The following DYDC2 variants were observed in gnomAD, a reference collection of about 807,000 sequenced individuals.
DYDC2 encodes the protein DPY30 domain containing 2.
In DYDC2, 19 loss-of-function variants were observed where a neutral mutation model predicts 18.7. That is an observed-to-expected ratio of 1.02 (90% CI 0.71 to 1.49). The LOEUF (loss-of-function observed/expected upper bound fraction) is 1.49, where lower values mean the gene tolerates loss of function less well. Among genes scored for constraint, DYDC2 ranks in the 40% most tolerant of loss-of-function variants. DYDC2 has a pLI of 0.00. For synonymous variants in DYDC2, 63 were observed against 67.6 expected, an observed-to-expected ratio of 0.93 and a Z score of 0.34; for missense variants, 179 against 205.1, an observed-to-expected ratio of 0.87 and a Z score of 0.78.
chr10:80,353,301 T>C (rs1161944473), upstream of DYDC2, among the ~76,000 whole-genome samples: 1 of 151,828 alleles, frequency 6.6e-6, no homozygotes, highest in African/African-American at 2.4e-5. Flanking sequence ...CACCCTGGGC[T>C]CTAATTCCAT....
intron 4 of DYDC2, among the ~76,000 whole-genome samples, chr10:80,365,801 C>T (rs2132904735): frequency 6.6e-6 from 1 of 152,238 alleles, no homozygotes; most frequent in Admixed American, 6.5e-5. Context: ...CTGCAATGCC[C>T]TATATCCTAT....
At chr10:80,357,797 G>C in intron 1 of DYDC2, 96 bp from the exon 2 acceptor site, 1 of 985,660 alleles carries the variant, frequency 1.0e-6, no homozygotes, top group South Asian at 4.7e-5. Context: ...TGTTAGTTGA[G>C]CTAGTAAATG....
chr10:80,352,401 C>A, upstream of DYDC2: 1 of 1,475,358 alleles, frequency 6.8e-7, no homozygotes, highest in Non-Finnish European at 9.0e-7. Flanking sequence ...TAAAAGCAGA[C>A]AAGTTGGACC....
At chr10:80,364,442 G>A (rs1843763431) in intron 4 of DYDC2, among the ~76,000 whole-genome samples, 1 of 152,048 alleles carries the variant, frequency 6.6e-6, no homozygotes, top group South Asian at 2.1e-4. Flanking sequence ...ACTGTTAATA[G>A]AAATAGAAAT....
intron 4 of DYDC2, among the ~76,000 whole-genome samples, chr10:80,364,165 A>G (rs1564674934): frequency 6.6e-6 from 1 of 152,258 alleles, no homozygotes; most frequent in Non-Finnish European, 1.5e-5. Flanking sequence ...TGAAGACATG[A>G]AAATATTAAG....
intron 4 of DYDC2, among the ~76,000 whole-genome samples, chr10:80,363,375 C>T (rs1232746931): frequency 8.9e-6 from 1 of 112,820 alleles, no homozygotes; most frequent in Non-Finnish European, 1.6e-5. Context: ...GATGGAGTCT[C>T]GCTCTGTTGC....
At chr10:80,366,028 C>CTTTTTTTTTTTTTTT (rs770351822) in intron 4 of DYDC2, among the ~76,000 whole-genome samples, 14 of 90,322 alleles carry the variant, frequency 1.6e-4, no homozygotes, top group South Asian at 4.6e-4. Flanking sequence ...TTTTCTTTCT[C>CTTTTTTTTTTTTTTT]TTTTTTTTTT....
chr10:80,362,683 G>T, intron 3 of DYDC2, 93 bp downstream of exon 3: 1 of 1,499,394 alleles, frequency 6.7e-7, no homozygotes, highest in Non-Finnish European at 8.9e-7. Context: ...GCTGGCCTGG[G>T]GAATTTCTTG....
At chr10:80,361,795 G>A (rs112631346) in intron 2 of DYDC2, among the ~76,000 whole-genome samples, 69 of 152,224 alleles carry the variant, frequency 4.5e-4, no homozygotes, top group Non-Finnish European at 7.8e-4. Flanking sequence ...TGTCCCCAAC[G>A]ATTGTATTTT....
At chr10:80,359,990 G>A (rs1024335417) in intron 2 of DYDC2, among the ~76,000 whole-genome samples, 4 of 152,232 alleles carry the variant, frequency 2.6e-5, no homozygotes, top group Non-Finnish European at 4.4e-5. Context: ...CACCAAGGCC[G>A]AGGAGGTGCC....
upstream of DYDC2, chr10:80,356,244 T>G (rs1285862088): frequency 2.0e-6 from 2 of 985,150 alleles, no homozygotes; most frequent in African/African-American, 3.5e-5. Flanking sequence ...ATGTTATTTT[T>G]CACATACACC....
At chr10:80,359,424 A>C (rs1336159681) in intron 2 of DYDC2, among the ~76,000 whole-genome samples, 1 of 152,230 alleles carries the variant, frequency 6.6e-6, no homozygotes, top group Non-Finnish European at 1.5e-5. Context: ...TCAGGAGCCC[A>C]AATGGCTTCA....
At chr10:80,345,458 T>C (rs560944814) in intron 1 of DYDC2, among the ~76,000 whole-genome samples, 18 of 152,274 alleles carry the variant, frequency 1.2e-4, no homozygotes, top group African/African-American at 3.9e-4. Context: ...TCTTAAAAAT[T>C]TTCCAGTACA....
intron 2 of DYDC2, among the ~76,000 whole-genome samples, chr10:80,359,795 A>G (rs577145838): frequency 6.6e-6 from 1 of 152,210 alleles, no homozygotes; most frequent in South Asian, 2.1e-4. Flanking sequence ...TGCGGGGCCC[A>G]CCAAGCCCGC....
chr10:80,359,667 C>T (rs1015992272), intron 2 of DYDC2, among the ~76,000 whole-genome samples: 13 of 152,150 alleles, frequency 8.5e-5, no homozygotes, highest in Non-Finnish European at 1.6e-4. Flanking sequence ...GGCAAGAATT[C>T]GAGCAAAGTG....
chr10:80,362,188 A>G (rs1843683148), intron 2 of DYDC2, among the ~76,000 whole-genome samples: 1 of 152,182 alleles, frequency 6.6e-6, no homozygotes, highest in African/African-American at 2.4e-5. Context: ...GCTCTTTTGG[A>G]ATTAAAATGT....
intron 2 of DYDC2, among the ~76,000 whole-genome samples, chr10:80,358,624 G>C (rs184416764): frequency 1.3e-5 from 2 of 152,146 alleles, no homozygotes; most frequent in Non-Finnish European, 2.9e-5. Flanking sequence ...TTCTGCCTTC[G>C]GGGAAGGACA....
intron 1 of DYDC2, among the ~76,000 whole-genome samples, chr10:80,357,444 T>C (rs2132874955): frequency 6.6e-6 from 1 of 152,052 alleles, no homozygotes; most frequent in East Asian, 1.9e-4. Flanking sequence ...CCCGGCATGC[T>C]CTGGGAGAGA....
At chr10:80,347,305 T>G (rs10749561) in intron 1 of DYDC2, among the ~76,000 whole-genome samples, 55,954 of 105,222 alleles carry the variant, frequency 0.53, 15,885 homozygotes, top group East Asian at 0.8. Flanking sequence ...TTTTTTTTTT[T>G]GCTATTGAGT....
Sources: allele counts gnomAD v4.1 joint callset (sites outside exome capture counted in the v4.1 genomes callset), GRCh38; gene constraint gnomAD v4.1.1; transcripts MANE v1.5; gene names NCBI Gene and HGNC (gene_info 2026-07-23, HGNC 2026-07-21).